C5AR1: variants seen among roughly 807,000 people sequenced by gnomAD.
The protein encoded by C5AR1 is complement C5a receptor 1, also known as C5a anaphylatoxin chemotactic receptor 1.
Under a neutral mutation model 2.4 loss-of-function variants are expected in C5AR1, and 4 were observed. The ratio of observed to expected loss-of-function variants is 1.65; its 90% CI spans 0.81 to 3.77. C5AR1 has a LOEUF of 3.77. C5AR1 is among the 30% of genes most tolerant of loss of function. C5AR1 has a pLI of 0.01. For synonymous variants in C5AR1, 209 were observed against 210.4 expected (o/e 0.99, Z 0.06); for missense variants, 418 against 462.5 (o/e 0.90, Z 0.88).
chr19:47,310,702 G>A (rs1179868108), intron 1 of C5AR1, among the ~76,000 whole-genome samples: 3 of 152,152 alleles, frequency 2.0e-5, no homozygotes, highest in Non-Finnish European at 2.9e-5. Context: ...TTGCTATGTT[G>A]TCAGGGCTGG....
chr19:47,311,654 T>A (rs1362300584), intron 1 of C5AR1, among the ~76,000 whole-genome samples: 1 of 152,106 alleles, frequency 6.6e-6, no homozygotes. Flanking sequence ...AACCTCTGCC[T>A]CGCGGCTTCA....
At chr19:47,315,218 C>G (rs1025385146) in intron 1 of C5AR1, among the ~76,000 whole-genome samples, 8 of 152,136 alleles carry the variant, frequency 5.3e-5, no homozygotes, top group Non-Finnish European at 1.2e-4. Context: ...GTGTAGTATT[C>G]TGTTGCCTGG....
chr19:47,321,714 C>A lies in C5AR1; in HGVS notation c.*884C>A, dbSNP rs2059311499. On this transcript the variant is annotated 3_prime_UTR_variant, in exon 2 of 2. Transcript: ENST00000355085. ...TATTTTGAGATCATTGCAAACTCAA[C>A]ACAATTGTAAGTAATGATACAGAGG... 1 of 152,268 alleles carries A rather than the reference C, an allele frequency of 6.6e-6. No homozygotes were observed. The highest frequency in any genetic ancestry group is 1.9e-4 in the East Asian group (1 of 5,192). 9.4% of individuals were successfully genotyped at this position (152,268 alleles called of 1,614,324 possible).
upstream of C5AR1, among the ~76,000 whole-genome samples, chr19:47,309,592 TGA>T (rs1421406092): frequency 4.4e-5 from 5 of 114,644 alleles, no homozygotes; most frequent in East Asian, 1.4e-3. Flanking sequence ...AAAAAAAAAA[TGA>T]GAGAGAAGAG....
chr19:47,320,667 C>T lies in C5AR1; in HGVS notation c.890C>T (p.Pro297Leu). The T allele has an allele frequency of 6.2e-7, 1 of 1,614,154 alleles. No individual in the cohort carries two copies. Among genetic ancestry groups the T allele is most frequent in the Non-Finnish European group, 8.5e-7 (1 of 1,180,034 alleles). Residue 297 changes from proline to leucine, a missense_variant, in exon 2 of 2, where the codon CCC (proline) becomes CTC (leucine). Coordinates refer to ENST00000355085, the MANE Select transcript of C5AR1 (RefSeq NM_001736.4). This position sits in a 1 kb window ranked among gnomAD's most constrained non-coding sequence, Gnocchi z 4.9. ...SFAYINCCINPIIYVVAGQGF... is the reference protein window; with the variant it reads ...SFAYINCCINLIIYVVAGQGF... ...GCCTACATCAACTGCTGCATCAACCCCATCATCTACGTGGTGGCCGGCCAG... is the reference window on the plus strand; with the variant it reads ...GCCTACATCAACTGCTGCATCAACCTCATCATCTACGTGGTGGCCGGCCAG...
At chr19:47,312,280 T>A (rs1161096672) in intron 1 of C5AR1, among the ~76,000 whole-genome samples, 1 of 152,044 alleles carries the variant, frequency 6.6e-6, no homozygotes, top group Admixed American at 6.6e-5. Context: ...GAGACGGGGT[T>A]TCACCGTGTT....
chr19:47,319,434 G>C (rs1270070449), intron 1 of C5AR1, among the ~76,000 whole-genome samples: 1 of 150,972 alleles, frequency 6.6e-6, no homozygotes, highest in Non-Finnish European at 1.5e-5. Flanking sequence ...TCAGCCTCCG[G>C]AGTAGCTGGG....
upstream of C5AR1, among the ~76,000 whole-genome samples, chr19:47,309,394 C>G (rs1293666895): frequency 6.6e-6 from 1 of 151,634 alleles, no homozygotes; most frequent in Non-Finnish European, 1.5e-5. Context: ...GCCAACATGG[C>G]GAAACCCCGT....
chr19:47,311,627 C>T (rs181785217), intron 1 of C5AR1, among the ~76,000 whole-genome samples: 161 of 152,204 alleles, frequency 1.1e-3, no homozygotes, highest in Non-Finnish European at 1.9e-3. Flanking sequence ...TGCAATGGCA[C>T]GATCTTGGCT....
chr19:47,314,074 C>T (rs144352667), intron 1 of C5AR1, among the ~76,000 whole-genome samples: 1 of 152,182 alleles, frequency 6.6e-6, no homozygotes, highest in Admixed American at 6.6e-5. Flanking sequence ...CACCGTCATG[C>T]CTCACGTCAC....
At chr19:47,312,704 C>T (rs958572112) in intron 1 of C5AR1, among the ~76,000 whole-genome samples, 7 of 152,100 alleles carry the variant, frequency 4.6e-5, no homozygotes, top group African/African-American at 9.7e-5. Context: ...ACTTCATTCC[C>T]GTGTAGTTCA....
chr19:47,311,646 C>T (rs2122129106), intron 1 of C5AR1, among the ~76,000 whole-genome samples: 2 of 152,268 alleles, frequency 1.3e-5, no homozygotes, highest in Middle Eastern at 6.8e-3. Context: ...CTCACCACAA[C>T]CTCTGCCTCG....
At position 47,313,096 on chromosome 19, in the gene C5AR1, C is replaced by T. The variant is rs112924337; in HGVS notation, c.3+3198C>T. On this transcript the variant is annotated intron_variant, in intron 1 of 1. Coordinates refer to ENST00000355085, the MANE Select transcript of C5AR1 (RefSeq NM_001736.4). ...TCTGGTGATTCTCCTGCCTCGGCCT[C>T]CCAAGTAGCTGGTATCACAGGTGCG... 3.6e-3 allele frequency among the ~76,000 whole-genome samples: 554 copies of T among 152,268 alleles called. 2 individuals are homozygous for T. The highest frequency in any genetic ancestry group is 0.013 in the African/African-American group (523 of 41,560).
rs867061698 is a variant in C5AR1 at position 47,321,563 on chromosome 19, C to T, written c.*733C>T. 6.6e-6 allele frequency: 1 copy of T among 152,100 alleles called. No homozygotes were observed. The highest frequency in any genetic ancestry group is 6.6e-5 in the Admixed American group (1 of 15,262). The allele number at this position is 152,100 out of a possible 1,614,324, so 9.4% of individuals were successfully genotyped here. A position where few individuals can be genotyped will look rare whatever the true frequency, so the allele number is the denominator to read the frequency against. ...GGTGGAGGTTGTGGTGAGCCATGAT[C>T]GCACCACTGCACTCTAGCCTGGGTG... is the stretch of plus-strand genomic sequence containing the variant. On this transcript the variant is annotated 3_prime_UTR_variant, in exon 2 of 2. Coordinates refer to ENST00000355085, the MANE Select transcript of C5AR1 (RefSeq NM_001736.4).
In C5AR1 at chr19:47,320,360, G is replaced by A. The variant is rs770659810; in HGVS notation, c.583G>A (p.Asp195Asn). 16 of 1,609,600 alleles carry A rather than the reference G, an allele frequency of 9.9e-6. No individual in the cohort carries two copies. Among genetic ancestry groups the A allele is most frequent in the East Asian group, 2.2e-5 (1 of 44,896 alleles). The stretch of plus-strand genomic sequence containing the variant: ...GTTGTGTGGCGTGGACTACAGCCAC[G>A]ACAAACGGCGGGAGCGAGCCGTGGC... ...KVLCGVDYSH[D>N]KRRERAVAIV... The change falls in exon 2 of 2, where the codon GAC becomes AAC. Residue 195 changes from aspartate (D) to asparagine (N), a missense_variant. Physicochemically the swap from Asp to Asn is conservative, Grantham distance 23 (BLOSUM62 1). Transcript: ENST00000355085. This position sits in a 1 kb window ranked among gnomAD's most constrained non-coding sequence, Gnocchi z 4.9.
At chr19:47,311,513 T>C (rs937544747) in intron 1 of C5AR1, among the ~76,000 whole-genome samples, 22 of 141,346 alleles carry the variant, frequency 1.6e-4, no homozygotes, top group African/African-American at 5.8e-4. Context: ...AAAACAAACA[T>C]AGAAAAAAAA....
At chr19:47,311,786 G>C (rs558560307) in intron 1 of C5AR1, among the ~76,000 whole-genome samples, 1 of 152,056 alleles carries the variant, frequency 6.6e-6, no homozygotes, top group East Asian at 2.0e-4. Context: ...GGCTGGTCTT[G>C]AACTCCTGAC....
upstream of C5AR1, among the ~76,000 whole-genome samples, chr19:47,308,557 CTT>C (rs58683135): frequency 4.9e-5 from 7 of 143,520 alleles, no homozygotes; most frequent in East Asian, 2.0e-4. Flanking sequence ...TTTTTCTTTT[CTT>C]TTTTTTTTTT....
rs556823832 is a variant in C5AR1 at position 47,319,077 on chromosome 19, G to A, written c.4-704G>A. 5.9e-5 allele frequency among the ~76,000 whole-genome samples: 9 copies of A among 151,264 alleles called. No individual in the cohort carries two copies. In the East Asian group the frequency reaches 9.8e-4, roughly 16 times the overall value. On this transcript the variant is annotated intron_variant, in intron 1 of 1. Transcript: ENST00000355085. ...ATTTTTGTATTTTTAGTAGAGGCGG[G>A]GTTTCACTACATTGGTCAGGCTGAT...
Sources: gnomAD v4.1 joint callset for allele counts (sites outside exome capture counted in the v4.1 genomes callset) on GRCh38, gnomAD v4.1.1 for gene constraint, Gnocchi (gnomAD v3.1) non-coding constraint, MANE v1.5 for transcripts, NCBI Gene and HGNC (gene_info 2026-07-23, HGNC 2026-07-21) for gene names.